Variants in MAPRE2 observed in about 807,000 individuals in gnomAD.
MAPRE2 encodes microtubule associated protein RP/EB family member 2, also known as microtubule-associated protein RP/EB family member 2.
MAPRE2 carries 13 observed loss-of-function variants against 43.2 expected under a neutral mutation model. That is an observed-to-expected ratio of 0.30 (90% CI 0.20 to 0.48). The LOEUF is 0.48. Among genes scored for constraint, MAPRE2 ranks in the 20% least tolerant of loss-of-function variants. The probability of loss-of-function intolerance (pLI) is 0.99; values close to 1 mark genes in which losing one functional copy is unlikely to be tolerated. For missense variants in MAPRE2, 161 were observed against 400.2 expected (o/e 0.40, Z 5.10); for synonymous variants, 135 against 148.8 (o/e 0.91, Z 0.68).
intron 4 of MAPRE2, among the ~76,000 whole-genome samples, chr18:35,125,200 A>G (rs981789184): frequency 6.6e-6 from 1 of 152,216 alleles, no homozygotes; most frequent in Non-Finnish European, 1.5e-5. Context: ...TCCGGAGCTA[A>G]TGACCCCAGG....
At chr18:35,099,651 C>A (rs1002115411) in intron 3 of MAPRE2, among the ~76,000 whole-genome samples, 2 of 152,120 alleles carry the variant, frequency 1.3e-5, no homozygotes, top group African/African-American at 4.8e-5. Flanking sequence ...CAATTGAGTT[C>A]ACATGTGGCA....
At chr18:35,099,693 G>T in intron 3 of MAPRE2, among the ~76,000 whole-genome samples, 1 of 152,306 alleles carries the variant, frequency 6.6e-6, no homozygotes, top group African/African-American at 2.4e-5. Context: ...ACAATTCACT[G>T]AAGTTTGGGG....
intron 2 of MAPRE2, among the ~76,000 whole-genome samples, chr18:35,076,229 G>A (rs1907344790): frequency 6.6e-6 from 1 of 152,106 alleles, no homozygotes; most frequent in South Asian, 2.1e-4. Flanking sequence ...CTAGGCCCTG[G>A]GGACCCAGCG....
chr18:35,130,260 A>G (rs1269054772), intron 5 of MAPRE2, among the ~76,000 whole-genome samples: 2 of 152,206 alleles, frequency 1.3e-5, no homozygotes, highest in African/African-American at 4.8e-5. Context: ...GTTTTAAAGC[A>G]GGAAAGGATT....
chr18:35,131,998 G>T (rs747179738), intron 5 of MAPRE2, 34 bp from the exon 6 acceptor site: 6 of 1,602,704 alleles, frequency 3.7e-6, no homozygotes, highest in Non-Finnish European at 5.1e-6. Context: ...TATATTTTGG[G>T]TGGTTTTTTT....
intron 2 of MAPRE2, among the ~76,000 whole-genome samples, chr18:35,092,552 G>A (rs565095802): frequency 6.6e-6 from 1 of 152,250 alleles, no homozygotes; most frequent in South Asian, 2.1e-4. Context: ...ATTGATCTGG[G>A]CAAAGATTTT....
At position 35,082,518 on chromosome 18, in the gene MAPRE2, G is replaced by C. The variant is rs1193292931; in HGVS notation, c.250+12196G>C. Reference sequence around the variant, plus strand: ...ATAACCTGTATTTCCTCAAACGCACGTTTCACTTATATGCCCTGATTCCTT... The same window carrying C: ...ATAACCTGTATTTCCTCAAACGCACCTTTCACTTATATGCCCTGATTCCTT... On this transcript the variant is annotated intron_variant, in intron 2 of 6. Coordinates refer to ENST00000300249, the MANE Select transcript of MAPRE2 (RefSeq NM_014268.4). Among the ~76,000 whole-genome samples the C allele has an allele frequency of 2.0e-5, 3 of 151,802 alleles. No homozygotes were observed. The South Asian group carries it at 6.2e-4, about 31-fold the overall frequency.
intron 1 of MAPRE2, among the ~76,000 whole-genome samples, chr18:35,046,277 C>G (rs1256414528): frequency 6.6e-6 from 1 of 152,176 alleles, no homozygotes; most frequent in Non-Finnish European, 1.5e-5. Context: ...CTAGTAAAGT[C>G]CGATGGAAAA....
intron 1 of MAPRE2, among the ~76,000 whole-genome samples, chr18:35,055,877 T>C (rs939511349): frequency 1.3e-5 from 2 of 149,860 alleles, no homozygotes; most frequent in Non-Finnish European, 3.0e-5. Context: ...ATCACTTAAA[T>C]CCAGGAGGCA....
chr18:35,004,467 C>T (rs1444164462), intron 1 of MAPRE2, among the ~76,000 whole-genome samples: 7 of 152,180 alleles, frequency 4.6e-5, no homozygotes, highest in Admixed American at 3.9e-4. Context: ...GCAACCTCCT[C>T]CGTAACCGTT....
intron 2 of MAPRE2, among the ~76,000 whole-genome samples, chr18:35,075,180 A>G (rs919408139): frequency 6.6e-6 from 1 of 152,236 alleles, no homozygotes; most frequent in African/African-American, 2.4e-5. Context: ...GCAAGTATTT[A>G]GAGTACACTC....
intron 5 of MAPRE2, among the ~76,000 whole-genome samples, chr18:35,131,350 G>GTTCAGGCT (rs1910132707): frequency 6.6e-6 from 1 of 152,174 alleles, no homozygotes; most frequent in African/African-American, 2.4e-5. Context: ...ATTTCAGTCT[G>GTTCAGGCT]TTCAGGCTGC....
At chr18:34,985,822 AC>A (rs2097020713) in intron 1 of MAPRE2, among the ~76,000 whole-genome samples, 1 of 146,062 alleles carries the variant, frequency 6.8e-6, no homozygotes, top group Admixed American at 7.2e-5. Context: ...GTCTCTTTTA[AC>A]CCCCTAGAAG....
At chr18:35,045,784 T>C (rs2150601342) in intron 1 of MAPRE2, among the ~76,000 whole-genome samples, 1 of 152,372 alleles carries the variant, frequency 6.6e-6, no homozygotes, top group Middle Eastern at 3.4e-3. Context: ...TTTGTTAGTA[T>C]CATCTAGGTT....
At chr18:35,045,592 A>T (rs183344902) in intron 1 of MAPRE2, among the ~76,000 whole-genome samples, 138 of 152,308 alleles carry the variant, frequency 9.1e-4, no homozygotes, top group African/African-American at 3.3e-3. Flanking sequence ...ATATCGTAAT[A>T]TTGTGCATGT....
chr18:35,041,337 G>A, upstream of MAPRE2: 1 of 1,434,480 alleles, frequency 7.0e-7, no homozygotes, highest in Non-Finnish European at 9.1e-7. Flanking sequence ...ACGTGACCAG[G>A]GTGCTGCTGC....
intron 1 of MAPRE2, among the ~76,000 whole-genome samples, chr18:35,045,632 TAA>T (rs1193863197): frequency 6.6e-6 from 1 of 152,176 alleles, no homozygotes; most frequent in Non-Finnish European, 1.5e-5. Context: ...CGTGTGTGTA[TAA>T]AAGAGTTGTG....
chr18:35,140,200 T>C, intron 6 of MAPRE2, 95 bp from the exon 7 acceptor site: 1 of 1,133,178 alleles, frequency 8.8e-7, no homozygotes, highest in Non-Finnish European at 1.3e-6. Context: ...CTCCACAGCC[T>C]TGAGACGCCA....
intron 6 of MAPRE2, among the ~76,000 whole-genome samples, chr18:35,137,454 C>G (rs1433867520): frequency 6.6e-6 from 1 of 152,228 alleles, no homozygotes; most frequent in Non-Finnish European, 1.5e-5. Context: ...GGTCTTTCAA[C>G]TTTAGCTCCA....
Sources: allele counts gnomAD v4.1 joint callset (sites outside exome capture counted in the v4.1 genomes callset), GRCh38; gene constraint gnomAD v4.1.1; transcripts MANE v1.5; gene names NCBI Gene and HGNC (gene_info 2026-07-23, HGNC 2026-07-21).